TPTE2: variants seen among roughly 807,000 people sequenced by gnomAD.
TPTE2 encodes the protein phosphatidylinositol 3,4,5-trisphosphate 3-phosphatase TPTE2.
Under a neutral mutation model 78.6 loss-of-function variants are expected in TPTE2, and 53 were observed. The ratio of observed to expected loss-of-function variants is 0.67; its 90% CI spans 0.54 to 0.85. The LOEUF (loss-of-function observed/expected upper bound fraction) is 0.85, where lower values mean the gene tolerates loss of function less well. TPTE2 is among the 40% of genes least tolerant of loss of function. TPTE2 has a pLI of 0.00. For synonymous variants in TPTE2, 175 were observed against 206.2 expected (o/e 0.85, Z 1.30); for missense variants, 461 against 623.0 (o/e 0.74, Z 2.77).
chr13:19,432,063 C>T (rs1425170733), intron 16 of TPTE2, among the ~76,000 whole-genome samples: 5 of 55,206 alleles, frequency 9.1e-5, no homozygotes, highest in South Asian at 7.4e-4. Flanking sequence ...GAAAATGATA[C>T]GATACGGAGA....
intron 14 of TPTE2, among the ~76,000 whole-genome samples, chr13:19,436,849 T>G (rs1344536602): frequency 6.6e-6 from 1 of 152,108 alleles, no homozygotes; most frequent in East Asian, 1.9e-4. Context: ...CTTTCCATAT[T>G]ACAAATGACA....
At chr13:19,478,308 T>G (rs1375633138) in intron 4 of TPTE2, among the ~76,000 whole-genome samples, 3 of 151,632 alleles carry the variant, frequency 2.0e-5, no homozygotes, top group African/African-American at 4.9e-5. Flanking sequence ...TCAAACAAAT[T>G]TACAAGAAAA....
upstream of TPTE2, chr13:19,505,932 A>G (rs1223400167): frequency 1.3e-5 from 2 of 150,658 alleles, no homozygotes; most frequent in Non-Finnish European, 3.0e-5. Flanking sequence ...CTTTTATCCA[A>G]TTTGGTCTGA....
intron 1 of TPTE2, among the ~76,000 whole-genome samples, chr13:19,499,638 G>A (rs9550428): frequency 0.11 from 14,825 of 133,958 alleles, 695 homozygotes; most frequent in African/African-American, 0.14. Context: ...TCTCTGGGAC[G>A]CATTCAAAGC....
chr13:19,435,558 T>A (rs1456325161), intron 15 of TPTE2, among the ~76,000 whole-genome samples: 1 of 152,094 alleles, frequency 6.6e-6, no homozygotes, highest in Non-Finnish European at 1.5e-5. Context: ...CTTTTGTATA[T>A]GATTAAAAAT....
chr13:19,432,846 A>T (rs903115072), intron 15 of TPTE2, among the ~76,000 whole-genome samples: 10 of 152,008 alleles, frequency 6.6e-5, no homozygotes, highest in Non-Finnish European at 1.2e-4. Context: ...TGAGAGGGCA[A>T]CTAATCAGAA....
the TPTE2 span, among the ~76,000 whole-genome samples, chr13:19,555,668 C>G: frequency 6.6e-6 from 1 of 152,092 alleles, no homozygotes; most frequent in Non-Finnish European, 1.5e-5. Flanking sequence ...TCAATGCTTC[C>G]TTGCCAACTA....
intron 16 of TPTE2, among the ~76,000 whole-genome samples, chr13:19,431,363 A>T (rs1445385228): frequency 6.6e-6 from 1 of 152,068 alleles, no homozygotes; most frequent in Non-Finnish European, 1.5e-5. Context: ...TTACAGACAA[A>T]GGCTCTTCTG....
intron 15 of TPTE2, among the ~76,000 whole-genome samples, chr13:19,435,791 C>CACACACACACACCA (rs750778227): frequency 6.6e-6 from 1 of 150,906 alleles, no homozygotes; most frequent in African/African-American, 2.4e-5. Flanking sequence ...CACACACACA[C>CACACACACACACCA]ACCAGGAGTC....
chr13:19,498,026 G>A (rs781310480), intron 1 of TPTE2, among the ~76,000 whole-genome samples: 3,783 of 151,084 alleles, frequency 0.025, 110 homozygotes, highest in African/African-American at 0.073. Flanking sequence ...GAGCCGATGC[G>A]ATCAACTGGA....
rs965784487 is a variant in TPTE2 at position 19,469,322 on chromosome 13, G to A, written c.393-1978C>T. ...TGCTCTTGGCACATTTACTAAAAAT[G>A]AGTTCACTGTAAGTGTGTGTGGATT... On this transcript the variant is annotated intron_variant, in intron 6 of 19. Transcript: ENST00000400230. Among the ~76,000 whole-genome samples the A allele has an allele frequency of 6.6e-5, 10 of 152,096 alleles. No individual in the cohort carries two copies. The East Asian group carries it at 1.9e-3, about 29-fold the overall frequency.
intron 10 of TPTE2, among the ~76,000 whole-genome samples, chr13:19,464,079 G>C (rs1270582195): frequency 6.6e-6 from 1 of 152,164 alleles, no homozygotes; most frequent in Non-Finnish European, 1.5e-5. Context: ...CAGTGGCTCT[G>C]TCAGTTGAGG....
chr13:19,467,087 C>T (rs1879313821), intron 7 of TPTE2, 138 bp downstream of exon 10: 2 of 1,121,670 alleles, frequency 1.8e-6, no homozygotes, highest in Middle Eastern at 3.2e-4. Flanking sequence ...GGGCATTTAC[C>T]CAAACATTTC....
At chr13:19,498,387 G>A (rs1420862460) in intron 1 of TPTE2, among the ~76,000 whole-genome samples, 1 of 151,986 alleles carries the variant, frequency 6.6e-6, no homozygotes, top group Non-Finnish European at 1.5e-5. Context: ...AATGTTCAGG[G>A]CAGCCAGAAA....
intron 17 of TPTE2, among the ~76,000 whole-genome samples, chr13:19,428,807 G>A (rs1270276509): frequency 6.6e-6 from 1 of 152,042 alleles, no homozygotes; most frequent in Admixed American, 6.6e-5. Context: ...GAGCCAAAAG[G>A]GATGACCCAG....
upstream of TPTE2, among the ~76,000 whole-genome samples, chr13:19,507,811 C>G (rs1869174196): frequency 6.6e-6 from 1 of 152,208 alleles, no homozygotes; most frequent in African/African-American, 2.4e-5. Context: ...TTGTAACCAA[C>G]AAAGCTGTTT....
chr13:19,531,949 G>A (rs1278806527), intron 1 of TPTE2, among the ~76,000 whole-genome samples: 1 of 152,146 alleles, frequency 6.6e-6, no homozygotes, highest in East Asian at 1.9e-4. Flanking sequence ...AAAAGTAGAG[G>A]ATGGGGCAAT....
chr13:19,508,238 T>C (rs1869202242), upstream of TPTE2, among the ~76,000 whole-genome samples: 1 of 152,168 alleles, frequency 6.6e-6, no homozygotes, highest in African/African-American at 2.4e-5. Context: ...CCAGTACAAA[T>C]GACCAGACAG....
upstream of TPTE2, among the ~76,000 whole-genome samples, chr13:19,504,798 C>T (rs994371981): frequency 6.6e-6 from 1 of 151,996 alleles, no homozygotes; most frequent in African/African-American, 2.4e-5. Flanking sequence ...GAGAGTAAAG[C>T]ACATAATCTT....
Sources: gnomAD v4.1 joint callset for allele counts (sites outside exome capture counted in the v4.1 genomes callset) on GRCh38, gnomAD v4.1.1 for gene constraint, MANE v1.5 for transcripts, NCBI Gene and HGNC (gene_info 2026-07-23, HGNC 2026-07-21) for gene names.